Variants in DOCK1 observed in about 807,000 individuals in gnomAD.
The protein encoded by DOCK1 is dedicator of cytokinesis 1.
In DOCK1, 138 loss-of-function variants were observed where a neutral mutation model predicts 262.7. That is an observed-to-expected ratio of 0.53 (90% CI 0.46 to 0.61). The LOEUF (loss-of-function observed/expected upper bound fraction) is 0.61. Ranked by LOEUF, DOCK1 falls within the 20% of genes least tolerant of loss-of-function variation. The probability of loss-of-function intolerance (pLI) is 0.00; values close to 1 mark genes in which losing one functional copy is unlikely to be tolerated. For synonymous variants in DOCK1, 866 were observed against 867.4 expected (o/e 1.00, Z 0.03); for missense variants, 1,908 against 2,370.7 (o/e 0.80, Z 4.05).
intron 1 of DOCK1, among the ~76,000 whole-genome samples, chr10:126,950,452 T>C (rs976088531): frequency 6.6e-6 from 1 of 152,062 alleles, no homozygotes; most frequent in Admixed American, 6.6e-5. Context: ...ATTCATGGGA[T>C]TAATGGAATT....
chr10:127,014,553 T>G (rs1468145263), intron 12 of DOCK1, among the ~76,000 whole-genome samples: 1 of 152,230 alleles, frequency 6.6e-6, no homozygotes, highest in Admixed American at 6.5e-5. Flanking sequence ...TCCTCATGTC[T>G]CAACCTTTGA....
intron 29 of DOCK1, among the ~76,000 whole-genome samples, chr10:127,275,567 G>A (rs555612299): frequency 6.6e-6 from 1 of 152,292 alleles, no homozygotes; most frequent in South Asian, 2.1e-4. Context: ...TTTAGGGCAT[G>A]TTGGGAACAC....
chr10:127,018,604 T>G (rs1234792078), intron 12 of DOCK1, 106 bp from the exon 13 acceptor site: 1 of 1,556,120 alleles, frequency 6.4e-7, no homozygotes, highest in Non-Finnish European at 8.8e-7. Context: ...TCTCAAGATG[T>G]TGAATTGTGA....
chr10:126,976,564 C>T (rs909907193), intron 2 of DOCK1, among the ~76,000 whole-genome samples: 6 of 152,074 alleles, frequency 3.9e-5, no homozygotes, highest in South Asian at 2.1e-4. Context: ...GACAATGGCC[C>T]GTTTTCACAT....
At chr10:126,978,678 A>T (rs1413851950) in intron 3 of DOCK1, among the ~76,000 whole-genome samples, 1 of 152,134 alleles carries the variant, frequency 6.6e-6, no homozygotes, top group Non-Finnish European at 1.5e-5. Flanking sequence ...ACGTTACCCA[A>T]TATGTTTTAA....
chr10:126,966,958 T>C (rs2037720986), intron 1 of DOCK1, among the ~76,000 whole-genome samples: 2 of 152,304 alleles, frequency 1.3e-5, no homozygotes, highest in South Asian at 4.1e-4. Flanking sequence ...AGATGCTCAT[T>C]GGCAGCCAGG....
At chr10:127,303,775 C>T (rs1157069241) in intron 29 of DOCK1, among the ~76,000 whole-genome samples, 2 of 152,166 alleles carry the variant, frequency 1.3e-5, no homozygotes, top group Non-Finnish European at 2.9e-5. Flanking sequence ...GGGAGGATAG[C>T]TTGAGCTTGA....
chr10:127,415,051 C>T, intron 43 of DOCK1, 101 bp from the exon 44 acceptor site: 2 of 1,097,168 alleles, frequency 1.8e-6, no homozygotes, highest in Non-Finnish European at 2.7e-6. Flanking sequence ...GCTGAAGGAC[C>T]TGACTCCTTT....
At chr10:126,935,828 A>T (rs940891709) in intron 1 of DOCK1, among the ~76,000 whole-genome samples, 3 of 152,250 alleles carry the variant, frequency 2.0e-5, no homozygotes, top group African/African-American at 7.2e-5. Flanking sequence ...TCTGCCCTGC[A>T]GGCATCTACT....
At chr10:126,965,420 G>A (rs1278998461) in intron 1 of DOCK1, among the ~76,000 whole-genome samples, 3 of 152,154 alleles carry the variant, frequency 2.0e-5, no homozygotes, top group Admixed American at 6.5e-5. Context: ...AATGCTCGGC[G>A]AAATGGTCCC....
chr10:127,277,220 C>G (rs1805447179), intron 29 of DOCK1, among the ~76,000 whole-genome samples: 1 of 150,486 alleles, frequency 6.6e-6, no homozygotes, highest in South Asian at 2.1e-4. Flanking sequence ...GCATTTTATC[C>G]TATACAATTA....
rs1054259342 is a variant in DOCK1, at chr10:127,419,881, T to C, written c.4776+132T>C. 12 of 942,572 alleles carry C rather than the reference T, an allele frequency of 1.3e-5. No individual in the cohort carries two copies. The Admixed American group carries it at 1.5e-4, about 12-fold the overall frequency. The allele number at this position is 942,572 out of a possible 1,614,324, so 58.4% of individuals were successfully genotyped here. A position where few individuals can be genotyped will look rare whatever the true frequency, so the allele number is the denominator to read the frequency against. On this transcript the variant is annotated intron_variant, in intron 46 of 51. Transcript: ENST00000623213. The stretch of plus-strand genomic sequence containing the variant: ...TGATGCACGTGGCTGTGATTGTCCC[T>C]GGGTGAACCCACCCACTGCTGTCGT...
intron 29 of DOCK1, among the ~76,000 whole-genome samples, chr10:127,286,649 A>G (rs1284905368): frequency 2.0e-5 from 3 of 152,160 alleles, no homozygotes; most frequent in African/African-American, 7.2e-5. Context: ...GCATTATATC[A>G]TGTCGTTCAT....
At chr10:126,919,797 G>C (rs756019253) in intron 1 of DOCK1, among the ~76,000 whole-genome samples, 3 of 152,204 alleles carry the variant, frequency 2.0e-5, no homozygotes, top group Non-Finnish European at 4.4e-5. Flanking sequence ...GGGCCCTCGA[G>C]GGTGAGGCCT....
In DOCK1 at chr10:127,076,272, T is replaced by C. The variant is rs557841844; in HGVS notation, c.2445+14496T>C. On this transcript the variant is annotated intron_variant, in intron 23 of 51. Coordinates refer to ENST00000623213, the MANE Select transcript of DOCK1 (RefSeq NM_001290223.2). The stretch of plus-strand genomic sequence containing the variant: ...ATCCCGGCACTTTGGGAGGCCGAGG[T>C]GGGCGGATCACAAGGTCAGTAGATC... Among the ~76,000 whole-genome samples the C allele has an allele frequency of 2.8e-3, 432 of 152,162 alleles. 1 individual carries two copies. Among genetic ancestry groups the C allele is most frequent in the African/African-American group, 6.8e-3 (284 of 41,530 alleles).
At chr10:126,915,190 A>G (rs2134046286) in intron 1 of DOCK1, among the ~76,000 whole-genome samples, 1 of 152,232 alleles carries the variant, frequency 6.6e-6, no homozygotes, top group Non-Finnish European at 1.5e-5. Flanking sequence ...TGGACTCTTC[A>G]GCTTCATTGG....
At chr10:127,348,302 C>T (rs1051106785) in intron 31 of DOCK1, among the ~76,000 whole-genome samples, 3 of 152,054 alleles carry the variant, frequency 2.0e-5, no homozygotes, top group African/African-American at 7.2e-5. Context: ...CATCCCAGCC[C>T]CCTAGCCTTT....
chr10:127,438,363 C>T (rs2069839199), intron 48 of DOCK1, among the ~76,000 whole-genome samples: 1 of 152,208 alleles, frequency 6.6e-6, no homozygotes, highest in South Asian at 2.1e-4. Context: ...GTGGGGTAGG[C>T]AGAAGGGTGG....
At chr10:127,131,475 A>G (rs1161874929) in intron 27 of DOCK1, among the ~76,000 whole-genome samples, 3 of 152,230 alleles carry the variant, frequency 2.0e-5, no homozygotes, top group African/African-American at 7.2e-5. Flanking sequence ...AGTGATGACA[A>G]CATCAAGATG....
Sources: gnomAD v4.1 joint callset for allele counts (sites outside exome capture counted in the v4.1 genomes callset) on GRCh38, gnomAD v4.1.1 for gene constraint, MANE v1.5 for transcripts, NCBI Gene and HGNC (gene_info 2026-07-23, HGNC 2026-07-21) for gene names.